SUGP2: variants seen among roughly 807,000 people sequenced by gnomAD.
SUGP2 encodes SURP and G-patch domain containing 2.
Under a neutral mutation model 90.5 loss-of-function variants are expected in SUGP2, and 24 were observed. The observed-to-expected ratio is 0.27, with a 90% CI of 0.19 to 0.37. The LOEUF (loss-of-function observed/expected upper bound fraction) is 0.37, where lower values mean the gene tolerates loss of function less well. Ranked by LOEUF, SUGP2 falls within the 10% of genes least tolerant of loss-of-function variation. The pLI, the probability that SUGP2 is intolerant of heterozygous loss-of-function variation, is 1.00. For missense variants in SUGP2, 1,233 were observed against 1,363.3 expected (o/e 0.90, Z 1.51); for synonymous variants, 473 against 513.4 (o/e 0.92, Z 1.06).
chr19:18,997,761 C>T (rs1411218295), intron 8 of SUGP2, among the ~76,000 whole-genome samples: 1 of 124,414 alleles, frequency 8.0e-6, no homozygotes, highest in Admixed American at 1.1e-4. Context: ...CCAGCCTTGG[C>T]GACAAAGGGA....
chr19:19,030,247 T>C (rs1021040667), intron 2 of SUGP2, among the ~76,000 whole-genome samples: 8 of 152,050 alleles, frequency 5.3e-5, no homozygotes, highest in Non-Finnish European at 1.2e-4. Context: ...CCCAGCATCT[T>C]GGGAGGCCAA....
chr19:19,014,984 G>C (rs1599497576), intron 4 of SUGP2, among the ~76,000 whole-genome samples: 1 of 152,162 alleles, frequency 6.6e-6, no homozygotes, highest in East Asian at 1.9e-4. Flanking sequence ...GGAGGATCAT[G>C]AGGTCAGGAG....
chr19:18,996,557 GT>G lies in SUGP2; in HGVS notation c.2992-1278del, dbSNP rs746523597. Among the ~76,000 whole-genome samples the G allele has an allele frequency of 5.5e-3, 797 of 145,654 alleles. 10 individuals carry two copies. Among genetic ancestry groups the G allele is most frequent in the Middle Eastern group, 0.021 (6 of 284 alleles). On this transcript the variant is annotated intron_variant, in intron 8 of 10. Transcript: ENST00000452918. ...TGTGCCACTGCACCCAGCTTTTGAT[GT>G]TTTTTTTTTTTTAAGACGGAGTCTT...
rs746269147 is a variant in SUGP2 at position 19,004,576 on chromosome 19, T to C, written c.2521A>G (p.Ile841Val). ...TTGTGCGGAGATGACGTGAAACAAATTGATGGACATAGTTCAAACACTTTC... is the reference window on the plus strand; with the variant it reads ...TTGTGCGGAGATGACGTGAAACAAACTGATGGACATAGTTCAAACACTTTC... ...RKKVFELCPS[I>V]CFTSSPHNLH... is the part of the protein sequence containing the mutation. Residue 841 changes from isoleucine to valine, a missense_variant, in exon 7 of 11, where the codon ATT becomes GTT. By Grantham distance (29) the Ile-to-Val change is conservative. Around this residue, in one of 8 missense-constraint regions of SUGP2, gnomAD observed 540 missense variants for 542.6 expected, o/e 1.00. Transcript: ENST00000452918. The C allele has an allele frequency of 8.7e-6, 14 of 1,614,114 alleles. 1 individual carries two copies. The highest frequency in any genetic ancestry group is 4.4e-5 in the South Asian group (4 of 91,084).
At chr19:18,996,194 C>T (rs1391215208) in intron 8 of SUGP2, among the ~76,000 whole-genome samples, 1 of 152,014 alleles carries the variant, frequency 6.6e-6, no homozygotes, top group Non-Finnish European at 1.5e-5. Flanking sequence ...GTCAGGAGTT[C>T]CAGACCAGCC....
At chr19:19,003,169 C>A (rs1426406372) in intron 7 of SUGP2, among the ~76,000 whole-genome samples, 1 of 152,112 alleles carries the variant, frequency 6.6e-6, no homozygotes, top group Non-Finnish European at 1.5e-5. Flanking sequence ...CACTGCAACA[C>A]CAAATTTTTC....
chr19:19,023,665 G>C (rs2058813495), intron 3 of SUGP2, among the ~76,000 whole-genome samples: 1 of 152,166 alleles, frequency 6.6e-6, no homozygotes. Context: ...TTGGGAGGCT[G>C]AGGCAGGTAG....
In SUGP2 at chr19:18,991,057, C is replaced by A. The variant is rs2057340169; in HGVS notation, c.*2684G>T. On this transcript the variant is annotated 3_prime_UTR_variant, in exon 11 of 11. Transcript: ENST00000452918. ...ACACTACAATTCTCTAAGTGATTTC[C>A]AGTGATGGAAACAAGCCAGAGACAG... 1 of 152,070 alleles carries A rather than the reference C, an allele frequency of 6.6e-6. No individual in the cohort carries two copies. Among genetic ancestry groups the A allele is most frequent in the Non-Finnish European group, 1.5e-5 (1 of 68,018 alleles). 9.4% of individuals were successfully genotyped at this position (152,070 alleles called of 1,614,324 possible).
At chr19:19,013,190 GTTGT>G (rs2058369237) in intron 4 of SUGP2, among the ~76,000 whole-genome samples, 1 of 152,168 alleles carries the variant, frequency 6.6e-6, no homozygotes, top group Non-Finnish European at 1.5e-5. Context: ...ATTTCTAAAG[GTTGT>G]TTATTTACAT....
Position 19,025,310 on chromosome 19 carries a change from T to C in SUGP2, c.1038A>G (p.Lys346=), listed in dbSNP as rs1193896542. ...AGFHTIKDDI[K]FSQLFQTLFE... is the part of the protein sequence containing the mutation. ...AGAGAGTCTGGAAAAGTTGGGAAAATTTAATATCATCTTTTATGGTGTGGA... is the reference window on the plus strand; with the variant it reads ...AGAGAGTCTGGAAAAGTTGGGAAAACTTAATATCATCTTTTATGGTGTGGA... The change falls in exon 3 of 11, where the codon AAA becomes AAG. Residue 346 remains lysine (K), a synonymous_variant. Coordinates refer to ENST00000452918, the MANE Select transcript of SUGP2 (RefSeq NM_001017392.5). 1 of 1,613,316 alleles carries C rather than the reference T, an allele frequency of 6.2e-7. No homozygotes were observed. Among genetic ancestry groups the C allele is most frequent in the South Asian group, 1.1e-5 (1 of 90,860 alleles).
At chr19:18,997,492 G>A (rs936439885) in intron 8 of SUGP2, among the ~76,000 whole-genome samples, 2 of 152,046 alleles carry the variant, frequency 1.3e-5, no homozygotes, top group Non-Finnish European at 2.9e-5. Context: ...GGTCAGAAAC[G>A]GATACCCTAA....
intron 2 of SUGP2, among the ~76,000 whole-genome samples, chr19:19,027,840 A>C (rs566682978): frequency 1.3e-5 from 2 of 152,170 alleles, no homozygotes; most frequent in East Asian, 3.9e-4. Context: ...GTTTCACCAC[A>C]TTGGCCAGGC....
chr19:19,019,683 A>AAGGAAATATGTT (rs1004555120), intron 3 of SUGP2, among the ~76,000 whole-genome samples: 1 of 151,888 alleles, frequency 6.6e-6, no homozygotes, highest in African/African-American at 2.4e-5. Context: ...AGAAGACTAT[A>AAGGAAATATGTT]AGGAAATATG....
intron 1 of SUGP2, among the ~76,000 whole-genome samples, chr19:19,031,999 T>G (rs187331360): frequency 2.6e-5 from 4 of 151,992 alleles, no homozygotes; most frequent in Admixed American, 6.6e-5. Context: ...AAACCTTCTC[T>G]GGGCCCATCT....
intron 3 of SUGP2, among the ~76,000 whole-genome samples, chr19:19,023,561 T>C (rs1392761017): frequency 6.6e-6 from 1 of 152,146 alleles, no homozygotes; most frequent in Admixed American, 6.5e-5. Context: ...CAGTGCTCTG[T>C]GTCTTTTCTC....
rs148420529 is a variant in SUGP2, at chr19:19,004,331, G to A, written c.2766C>T (p.Asp922=). The change falls in exon 7 of 11, where the codon GAC becomes GAT. Residue 922 remains aspartate, a synonymous_variant. Transcript: ENST00000452918. The stretch of plus-strand genomic sequence containing the variant: ...CCTCGGCAGCCTCGCCGGGAAGGCC[G>A]TCGGCAGGGGTGCTGCCCTCAGACT... ...AGKSEGSTPA[D]GLPGEAAEDD... 2.0e-4 allele frequency: 327 copies of A among 1,613,264 alleles called. No individual in the cohort carries two copies. In the East Asian group the frequency reaches 3.8e-3, roughly 19 times the overall value.
chr19:19,010,608 T>C (rs1242290708), intron 4 of SUGP2, among the ~76,000 whole-genome samples: 2 of 152,176 alleles, frequency 1.3e-5, no homozygotes, highest in Admixed American at 6.5e-5. Flanking sequence ...CAGCTCTTGA[T>C]GGCCTGGAAA....
At chr19:19,030,048 C>T (rs1243105178) in intron 2 of SUGP2, among the ~76,000 whole-genome samples, 3 of 152,036 alleles carry the variant, frequency 2.0e-5, no homozygotes, top group Non-Finnish European at 4.4e-5. Context: ...GGAGCAGTGG[C>T]TCACGCCTGT....
chr19:19,005,926 T>A (rs1399132972), intron 6 of SUGP2, among the ~76,000 whole-genome samples: 1 of 147,598 alleles, frequency 6.8e-6, no homozygotes, highest in Non-Finnish European at 1.5e-5. Flanking sequence ...TACAACTAAA[T>A]ATCAGCAGAA....
Sources: gnomAD v4.1 joint callset for allele counts (sites outside exome capture counted in the v4.1 genomes callset) on GRCh38, gnomAD v4.1.1 for gene constraint, gnomAD v4.1.1 regional missense constraint, MANE v1.5 for transcripts, NCBI Gene and HGNC (gene_info 2026-07-23, HGNC 2026-07-21) for gene names.